Variants in PUS7L observed in about 807,000 individuals in gnomAD.
PUS7L encodes pseudouridine synthase 7 like.
Under a neutral mutation model 51.1 loss-of-function variants are expected in PUS7L, and 49 were observed. The observed-to-expected ratio is 0.96, with a 90% CI of 0.76 to 1.22. PUS7L has a LOEUF of 1.22. Ranked by LOEUF, PUS7L falls within the 50% of genes most tolerant of loss-of-function variation. The pLI is 0.00. For missense variants in PUS7L, 828 were observed against 820.6 expected (o/e 1.01, Z -0.11); for synonymous variants, 277 against 276.2 (o/e 1.00, Z -0.03).
chr12:43,723,340 C>T lies in PUS7L; in HGVS notation c.*7036G>A, dbSNP rs928350650. 1.3e-5 allele frequency: 2 copies of T among 152,056 alleles called. No individual in the cohort carries two copies. The highest frequency in any genetic ancestry group is 4.8e-5 in the African/African-American group (2 of 41,440). The allele number at this position is 152,056 out of a possible 1,614,324, so 9.4% of individuals were successfully genotyped here. On this transcript the variant is annotated 3_prime_UTR_variant, in exon 9 of 9. Coordinates refer to ENST00000344862, the MANE Select transcript of PUS7L (RefSeq NM_031292.5). ...TTAACACCATTTCCCATTCTTTAAACTAGTAGCTTTTTAGAAAGCAGCATT... is the reference window on the plus strand; with the variant it reads ...TTAACACCATTTCCCATTCTTTAAATTAGTAGCTTTTTAGAAAGCAGCATT...
At chr12:43,744,995 C>A (rs182771813) in intron 4 of PUS7L, among the ~76,000 whole-genome samples, 1 of 152,272 alleles carries the variant, frequency 6.6e-6, no homozygotes, top group African/African-American at 2.4e-5. Context: ...ACAAATGAAA[C>A]CTGGTCCAAC....
rs1464964344 is a variant in PUS7L, at chr12:43,755,033, T to C, written c.213A>G (p.Pro71=). 1 of 1,613,114 alleles carries C rather than the reference T, an allele frequency of 6.2e-7. No homozygotes were observed. The change falls in exon 2 of 9, where the codon CCA becomes CCG. Residue 71 remains proline (P), a synonymous_variant. Coordinates refer to ENST00000344862, the MANE Select transcript of PUS7L (RefSeq NM_031292.5). ...QLEPNNFPKK[P]KLDLQNLSLE... is the part of the protein sequence containing the mutation. ...AGGACAGATTTTGAAGATCTAGTTT[T>C]GGTTTTTTGGGAAAATTATTTGGCT...
At chr12:43,749,103 G>A (rs989185698) in intron 2 of PUS7L, among the ~76,000 whole-genome samples, 10 of 152,124 alleles carry the variant, frequency 6.6e-5, no homozygotes, top group African/African-American at 2.4e-4. Context: ...TTGGCTCATT[G>A]AAGGCTTACA....
At position 43,734,857 on chromosome 12, in the gene PUS7L, C is replaced by T. The variant is rs549864612; in HGVS notation, c.1725+1524G>A. On this transcript the variant is annotated intron_variant, in intron 7 of 8. Coordinates refer to ENST00000344862, the MANE Select transcript of PUS7L (RefSeq NM_031292.5). ...AATTCAATGATTTTACTGTTACATA[C>T]GAAAGTGTTACTCAAATTTTCACTA... Among the ~76,000 whole-genome samples, 17 of 152,200 alleles carry T rather than the reference C, an allele frequency of 1.1e-4. No individual in the cohort carries two copies. The South Asian group carries it at 2.1e-3, about 19-fold the overall frequency.
chr12:43,732,785 T>TGG (rs1944589029), intron 7 of PUS7L, among the ~76,000 whole-genome samples: 1 of 152,184 alleles, frequency 6.6e-6, no homozygotes, highest in African/African-American at 2.4e-5. Flanking sequence ...TCCTTTTTGT[T>TGG]TTTAATTTAG....
chr12:43,737,493 A>C (rs1937666711), intron 6 of PUS7L, among the ~76,000 whole-genome samples: 2 of 151,786 alleles, frequency 1.3e-5, no homozygotes, highest in Non-Finnish European at 2.9e-5. Context: ...TTTCAATATA[A>C]GTGAAATTCA....
chr12:43,753,991 C>A (rs929344756), intron 2 of PUS7L, among the ~76,000 whole-genome samples: 7 of 152,088 alleles, frequency 4.6e-5, no homozygotes, highest in Non-Finnish European at 8.8e-5. Flanking sequence ...ATTGAGATGA[C>A]TTCCAAAATA....
In PUS7L at chr12:43,723,331, T is replaced by C. The variant is rs1194592557; in HGVS notation, c.*7045A>G. On this transcript the variant is annotated 3_prime_UTR_variant, in exon 9 of 9. Coordinates refer to ENST00000344862, the MANE Select transcript of PUS7L (RefSeq NM_031292.5). Reference sequence around the variant, plus strand: ...TTAACTCCATTAACACCATTTCCCATTCTTTAAACTAGTAGCTTTTTAGAA... The same window carrying C: ...TTAACTCCATTAACACCATTTCCCACTCTTTAAACTAGTAGCTTTTTAGAA... The C allele has an allele frequency of 6.6e-6, 1 of 152,124 alleles. No individual in the cohort carries two copies. Among genetic ancestry groups the C allele is most frequent in the Non-Finnish European group, 1.5e-5 (1 of 67,970 alleles). The allele number at this position is 152,124 out of a possible 1,614,324, so 9.4% of individuals were successfully genotyped here. A position where few individuals can be genotyped will look rare whatever the true frequency, so the allele number is the denominator to read the frequency against.
Position 43,730,229 on chromosome 12 carries a change from G to A in PUS7L, c.*147C>T. On this transcript the variant is annotated 3_prime_UTR_variant, in exon 9 of 9. Transcript: ENST00000344862. ...CTTACATATCCTCTATAAAATTACA[G>A]TATCAAATCCTAACTTCTCAGGATG... The A allele has an allele frequency of 1.6e-6, 1 of 629,058 alleles. No homozygotes were observed. Among genetic ancestry groups the A allele is most frequent in the Non-Finnish European group, 2.7e-6 (1 of 365,378 alleles). The allele number at this position is 629,058 out of a possible 1,614,324, so 39.0% of individuals were successfully genotyped here.
In PUS7L at chr12:43,743,665, G is replaced by A. The variant is rs557088731; in HGVS notation, c.1264-1110C>T. On this transcript the variant is annotated intron_variant, in intron 4 of 8. Coordinates refer to ENST00000344862, the MANE Select transcript of PUS7L (RefSeq NM_031292.5). ...GTAGTCCCAGCTACTCAGGAGGCTGGGGCAGGAGAATGGCGTGAACCCGGG... is the reference window on the plus strand; with the variant it reads ...GTAGTCCCAGCTACTCAGGAGGCTGAGGCAGGAGAATGGCGTGAACCCGGG... Among the ~76,000 whole-genome samples, 14 of 152,072 alleles carry A rather than the reference G, an allele frequency of 9.2e-5. No individual in the cohort carries two copies. The East Asian group carries it at 2.7e-3, about 29-fold the overall frequency.
chr12:43,747,518 A>G (rs1399319844), intron 3 of PUS7L, among the ~76,000 whole-genome samples: 1 of 151,640 alleles, frequency 6.6e-6, no homozygotes, highest in East Asian at 2.0e-4. Flanking sequence ...ACATGGTGAA[A>G]CCCCATCTCT....
At chr12:43,738,664 T>A (rs1431554639) in intron 5 of PUS7L, among the ~76,000 whole-genome samples, 1 of 152,182 alleles carries the variant, frequency 6.6e-6, no homozygotes, top group Non-Finnish European at 1.5e-5. Context: ...TTTTGTCATT[T>A]TTTTTAAATA....
At chr12:43,742,935 T>C (rs1000200996) in intron 4 of PUS7L, among the ~76,000 whole-genome samples, 1 of 152,216 alleles carries the variant, frequency 6.6e-6, no homozygotes, top group East Asian at 1.9e-4. Flanking sequence ...TTTGAGACTC[T>C]TCGGCTGTCT....
At position 43,722,361 on chromosome 12, in the gene PUS7L, T is replaced by G. The variant is rs1378034137; in HGVS notation, c.*8015A>C. 1 of 151,930 alleles carries G rather than the reference T, an allele frequency of 6.6e-6. No homozygotes were observed. Among genetic ancestry groups the G allele is most frequent in the Non-Finnish European group, 1.5e-5 (1 of 67,932 alleles). 9.4% of individuals were successfully genotyped at this position (151,930 alleles called of 1,614,324 possible). ...AGTAAACAAGATGGACTGACTAGAG[T>G]GAAAAACGAAGGCCACCCAGTTAGA... On this transcript the variant is annotated 3_prime_UTR_variant, in exon 9 of 9. Coordinates refer to ENST00000344862, the MANE Select transcript of PUS7L (RefSeq NM_031292.5).
intron 7 of PUS7L, 110 bp from the exon 8 acceptor site, chr12:43,731,868 T>C: frequency 1.5e-6 from 1 of 653,044 alleles, no homozygotes; most frequent in Non-Finnish European, 2.7e-6. Context: ...ATGCTGAATA[T>C]ACATAAACCC....
At chr12:43,733,172 A>C (rs1407507558) in intron 7 of PUS7L, among the ~76,000 whole-genome samples, 1 of 151,330 alleles carries the variant, frequency 6.6e-6, no homozygotes, top group African/African-American at 2.4e-5. Context: ...CATCTTGCCC[A>C]CACACACACA....
intron 7 of PUS7L, among the ~76,000 whole-genome samples, chr12:43,735,177 C>T (rs1031956549): frequency 2.6e-5 from 4 of 151,714 alleles, no homozygotes; most frequent in Admixed American, 6.6e-5. Flanking sequence ...ATTAGCCAGG[C>T]GTGGTGGCAG....
intron 7 of PUS7L, among the ~76,000 whole-genome samples, chr12:43,734,680 C>T (rs1944641177): frequency 2.0e-5 from 3 of 152,096 alleles, no homozygotes; most frequent in South Asian, 4.1e-4. Flanking sequence ...CTAGTAGAGA[C>T]CCAACAGGGC....
chr12:43,740,491 CAGGATCACAAAATA>C, intron 5 of PUS7L, among the ~76,000 whole-genome samples: 1 of 152,268 alleles, frequency 6.6e-6, no homozygotes, highest in Non-Finnish European at 1.5e-5. Flanking sequence ...CAAGATGATT[CAGGATCACAAAATA>C]AGAGGAATTC....
Sources: allele counts gnomAD v4.1 joint callset (sites outside exome capture counted in the v4.1 genomes callset), GRCh38; gene constraint gnomAD v4.1.1; transcripts MANE v1.5; gene names NCBI Gene and HGNC (gene_info 2026-07-23, HGNC 2026-07-21).